Variants in ARHGEF3 observed in about 807,000 individuals in gnomAD.
ARHGEF3 encodes the protein Rho guanine nucleotide exchange factor 3.
Under a neutral mutation model 63.2 loss-of-function variants are expected in ARHGEF3, and 28 were observed. The ratio of observed to expected loss-of-function variants is 0.44; its 90% confidence interval spans 0.33 to 0.61. The LOEUF (loss-of-function observed/expected upper bound fraction) is 0.61. ARHGEF3 is among the 20% of genes least tolerant of loss of function. ARHGEF3 has a pLI of 0.03. For synonymous variants in ARHGEF3, 266 were observed against 254.2 expected (o/e 1.05, Z -0.44); for missense variants, 533 against 659.3 (o/e 0.81, Z 2.10).
Position 56,782,856 on chromosome 3 carries a change from G to A in ARHGEF3, c.97-9040C>T, listed in dbSNP as rs955013271. On this transcript the variant is annotated intron_variant, in intron 1 of 9. Transcript: ENST00000296315. ...TAAAGAGCAGATGATGAGAGAAGTC[G>A]CAAGAGAGTCTGGGCAAACCCACAA... Among the ~76,000 whole-genome samples, 6 of 152,242 alleles carry A rather than the reference G, an allele frequency of 3.9e-5. No homozygotes were observed. The East Asian group carries it at 7.7e-4, about 20-fold the overall frequency.
chr3:56,874,712 G>C (rs1347030935), intron 4 of ARHGEF3, among the ~76,000 whole-genome samples: 1 of 152,176 alleles, frequency 6.6e-6, no homozygotes, highest in Non-Finnish European at 1.5e-5. Context: ...CCAGCTAAAA[G>C]CACTAAACAT....
intron 4 of ARHGEF3, among the ~76,000 whole-genome samples, chr3:56,861,862 T>A (rs1312420515): frequency 9.7e-6 from 1 of 103,618 alleles, no homozygotes; most frequent in Non-Finnish European, 2.1e-5. Context: ...TTCTAACCTG[T>A]TGGTTTTTTT....
chr3:56,759,568 G>C (rs1019173062), intron 2 of ARHGEF3, among the ~76,000 whole-genome samples: 1 of 152,104 alleles, frequency 6.6e-6, no homozygotes, highest in African/African-American at 2.4e-5. Context: ...GTCTTGCTCT[G>C]TTGCCCATAC....
At chr3:57,027,021 G>T (rs1465435436) in intron 2 of ARHGEF3, among the ~76,000 whole-genome samples, 10 of 152,202 alleles carry the variant, frequency 6.6e-5, no homozygotes, top group African/African-American at 2.4e-4. Context: ...TTGTCACAGA[G>T]AAGTAGAGGG....
chr3:56,984,856 G>C (rs1373760724), intron 2 of ARHGEF3, among the ~76,000 whole-genome samples: 1 of 152,168 alleles, frequency 6.6e-6, no homozygotes, highest in African/African-American at 2.4e-5. Context: ...GCCTTGGACA[G>C]TAGAAAAGGA....
At chr3:57,014,277 T>G (rs1039527770) in intron 2 of ARHGEF3, among the ~76,000 whole-genome samples, 4 of 152,174 alleles carry the variant, frequency 2.6e-5, no homozygotes, top group Non-Finnish European at 4.4e-5. Context: ...ACACTCACTG[T>G]GAGGGTCCGC....
At chr3:56,798,551 T>C (rs944375698) in intron 1 of ARHGEF3, among the ~76,000 whole-genome samples, 1 of 151,788 alleles carries the variant, frequency 6.6e-6, no homozygotes, top group Non-Finnish European at 1.5e-5. Context: ...TTTTTTTTTT[T>C]TTTTTTTAAG....
At chr3:56,865,890 G>T (rs2040233820) in intron 4 of ARHGEF3, among the ~76,000 whole-genome samples, 1 of 152,002 alleles carries the variant, frequency 6.6e-6, no homozygotes, top group Admixed American at 6.6e-5. Context: ...CCAGGCTATG[G>T]TATTTTGTTA....
chr3:56,788,222 A>G (rs1350569229), intron 1 of ARHGEF3, among the ~76,000 whole-genome samples: 1 of 152,174 alleles, frequency 6.6e-6, no homozygotes, highest in Non-Finnish European at 1.5e-5. Context: ...GCGGGCATCC[A>G]GCATCAGGGA....
chr3:57,054,198 G>A (rs1017448298), intron 1 of ARHGEF3, among the ~76,000 whole-genome samples: 1 of 152,102 alleles, frequency 6.6e-6, no homozygotes, highest in Admixed American at 6.6e-5. Context: ...ATTCTGGTGG[G>A]TATATAGTAG....
intron 2 of ARHGEF3, among the ~76,000 whole-genome samples, chr3:56,962,015 A>G (rs1700302766): frequency 6.6e-6 from 1 of 152,216 alleles, no homozygotes; most frequent in Non-Finnish European, 1.5e-5. Flanking sequence ...ACTGCCCCCC[A>G]GCCTGGGTGA....
rs1208761725 is a variant in ARHGEF3 at position 57,001,928 on chromosome 3, TTGTTTTTTG to T, written c.62+33151_62+33159del. ...CAAAGTGAGATAGTTTTTTTTTTTTTTGTTTTTTGTTTTGAGACGGAGTCTCACTCTGTT... is the reference window on the plus strand; with the variant it reads ...CAAAGTGAGATAGTTTTTTTTTTTTTTTTTGAGACGGAGTCTCACTCTGTT... On this transcript the variant is annotated intron_variant, in intron 2 of 12. Transcript: ENST00000338458. Among the ~76,000 whole-genome samples the T allele has an allele frequency of 1.2e-4, 9 of 73,522 alleles. 2 individuals carry two copies. Among genetic ancestry groups the T allele is most frequent in the Admixed American group, 4.0e-4 (3 of 7,428 alleles). The allele number at this position is 73,522 out of a possible 152,430, so 48.2% of individuals were successfully genotyped here.
chr3:56,992,570 G>GCCAT (rs1701807671), intron 2 of ARHGEF3, among the ~76,000 whole-genome samples: 1 of 152,020 alleles, frequency 6.6e-6, no homozygotes, highest in Non-Finnish European at 1.5e-5. Context: ...CCTGGATCAT[G>GCCAT]CCATCCTTCA....
intron 2 of ARHGEF3, among the ~76,000 whole-genome samples, chr3:56,965,269 C>G (rs746737246): frequency 6.6e-6 from 1 of 151,958 alleles, no homozygotes; most frequent in Admixed American, 6.6e-5. Context: ...AAATAAATAA[C>G]GACTACAATA....
At chr3:56,948,586 T>C (rs546916801) in intron 3 of ARHGEF3, among the ~76,000 whole-genome samples, 3 of 152,302 alleles carry the variant, frequency 2.0e-5, no homozygotes, top group East Asian at 1.9e-4. Flanking sequence ...CAGGAAGCAG[T>C]TGAATCTCTG....
chr3:56,758,266 G>A (rs1413165155), intron 2 of ARHGEF3, among the ~76,000 whole-genome samples: 1 of 150,228 alleles, frequency 6.7e-6, no homozygotes, highest in Non-Finnish European at 1.5e-5. Flanking sequence ...GGGCGACAGA[G>A]CAAGACTCCC....
rs913525270 is a variant in ARHGEF3 at position 56,737,335 on chromosome 3, A to G, written c.891T>C (p.Ile297=). The part of the protein sequence containing the change: ...LEEAINIIQG[I]VAEINTKTGE... ...CAGTCTTGGTGTTGATTTCTGCCAC[A>G]ATTCCCTGAATGATATTTATCTATG... Residue 297 remains isoleucine, a synonymous_variant, in exon 8 of 10, where the codon ATT becomes ATC. Transcript: ENST00000296315. 6.2e-7 allele frequency: 1 copy of G among 1,611,954 alleles called. No individual in the cohort carries two copies. The highest frequency in any genetic ancestry group is 8.5e-7 in the Non-Finnish European group (1 of 1,178,822).
intron 3 of ARHGEF3, among the ~76,000 whole-genome samples, chr3:56,958,287 G>A (rs142581360): frequency 2.0e-3 from 301 of 150,524 alleles, no homozygotes; most frequent in African/African-American, 7.1e-3. Flanking sequence ...CAGGGCAGGT[G>A]AATGTCAGCA....
chr3:56,789,138 C>A (rs1187897110), intron 1 of ARHGEF3, among the ~76,000 whole-genome samples: 1 of 152,096 alleles, frequency 6.6e-6, no homozygotes, highest in African/African-American at 2.4e-5. Flanking sequence ...AATTCCCTTG[C>A]AAATTCCCAA....
Sources: allele counts gnomAD v4.1 joint callset (sites outside exome capture counted in the v4.1 genomes callset), GRCh38; gene constraint gnomAD v4.1.1; transcripts MANE v1.5; gene names NCBI Gene and HGNC (gene_info 2026-07-23, HGNC 2026-07-21).